Variants in TAOK3 observed in about 807,000 individuals in gnomAD.
TAOK3 encodes the protein serine/threonine-protein kinase TAO3.
TAOK3 carries 40 observed loss-of-function variants against 120.4 expected under a neutral mutation model. The ratio of observed to expected loss-of-function variants is 0.33; its 90% CI spans 0.26 to 0.43. The LOEUF (loss-of-function observed/expected upper bound fraction) is 0.43, where lower values mean the gene tolerates loss of function less well. Ranked by LOEUF, TAOK3 falls within the 20% of genes least tolerant of loss-of-function variation. The pLI is 1.00. For missense variants in TAOK3, 821 were observed against 1,112.1 expected, an observed-to-expected ratio of 0.74 and a Z score of 3.72; for synonymous variants, 355 against 387.5, an observed-to-expected ratio of 0.92 and a Z score of 0.99.
rs755962273 is a variant in TAOK3, at chr12:118,189,830, C to T, written c.1306G>A (p.Ala436Thr). 6.2e-7 allele frequency: 1 copy of T among 1,614,148 alleles called. No individual in the cohort carries two copies. The highest frequency in any genetic ancestry group is 1.1e-5 in the South Asian group (1 of 91,080). Residue 436 changes from alanine (A) to threonine (T), a missense_variant, in exon 14 of 21, where the codon GCC becomes ACC. Ala to Thr is a moderately conservative substitution (Grantham distance 58, BLOSUM62 0). This residue lies in a region of TAOK3 where 354 missense variants were observed against 572.1 expected (regional missense o/e 0.62). Coordinates refer to ENST00000392533, the MANE Select transcript of TAOK3 (RefSeq NM_016281.4). ...ALHYRNRERFATIKSASLVTR... is the reference protein window; with the variant it reads ...ALHYRNRERFTTIKSASLVTR... ...ACCAAAGATGCTGATTTGATCGTGG[C>T]AAAGCGCTCTCTGTTCCGGTAGTGG... is the stretch of plus-strand genomic sequence containing the variant.
At chr12:118,206,375 C>T (rs1265382422) in intron 11 of TAOK3, among the ~76,000 whole-genome samples, 1 of 152,222 alleles carries the variant, frequency 6.6e-6, no homozygotes, top group African/African-American at 2.4e-5. Flanking sequence ...ATACACTCTA[C>T]ATCTTAATAT....
At chr12:118,194,696 T>C (rs1048100789) in intron 13 of TAOK3, among the ~76,000 whole-genome samples, 6 of 150,644 alleles carry the variant, frequency 4.0e-5, no homozygotes, top group South Asian at 4.2e-4. Context: ...AGAACTAACA[T>C]TGACTAACAG....
At chr12:118,278,218 G>A (rs1348264574) in intron 1 of TAOK3, among the ~76,000 whole-genome samples, 1 of 152,078 alleles carries the variant, frequency 6.6e-6, no homozygotes, top group Non-Finnish European at 1.5e-5. Flanking sequence ...CAGGGGTTTG[G>A]TGTACAGATT....
intron 19 of TAOK3, among the ~76,000 whole-genome samples, chr12:118,155,569 C>T (rs750548608): frequency 1.3e-5 from 2 of 152,284 alleles, no homozygotes; most frequent in South Asian, 4.1e-4. Flanking sequence ...TGAGGTAACA[C>T]TTATGAGATG....
chr12:118,274,389 G>A (rs1488569503), intron 1 of TAOK3, among the ~76,000 whole-genome samples: 1 of 152,100 alleles, frequency 6.6e-6, no homozygotes, highest in East Asian at 1.9e-4. Flanking sequence ...GAAGTAGCTG[G>A]GGTTTTGAGG....
At position 118,177,342 on chromosome 12, in the gene TAOK3, C is replaced by A. The variant is rs2036405611; in HGVS notation, c.1567-13G>T. ...CAGCTACCTTTGCCTGATAAAATAA[C>A]AAATACAATGTAGGATGAATCTATT... On this transcript the variant is annotated splice_polypyrimidine_tract_variant and intron_variant, in intron 15 of 20. Coordinates refer to ENST00000392533, the MANE Select transcript of TAOK3 (RefSeq NM_016281.4). 1.9e-6 allele frequency: 3 copies of A among 1,612,272 alleles called. No individual in the cohort carries two copies. Among genetic ancestry groups the A allele is most frequent in the Non-Finnish European group, 2.5e-6 (3 of 1,179,476 alleles).
chr12:118,284,266 G>C (rs17586582), intron 1 of TAOK3, among the ~76,000 whole-genome samples: 8,152 of 152,202 alleles, frequency 0.054, 449 homozygotes, highest in East Asian at 0.24. Flanking sequence ...AAGGAGACTA[G>C]AGCAGGGAGG....
intron 1 of TAOK3, among the ~76,000 whole-genome samples, chr12:118,353,252 G>A (rs1197636830): frequency 1.3e-5 from 2 of 152,092 alleles, no homozygotes; most frequent in Non-Finnish European, 2.9e-5. Flanking sequence ...AATAGTAGGA[G>A]TAGGAAAAGC....
At chr12:118,335,302 C>G (rs2044322147) in intron 1 of TAOK3, among the ~76,000 whole-genome samples, 1 of 151,426 alleles carries the variant, frequency 6.6e-6, no homozygotes, top group Non-Finnish European at 1.5e-5. Flanking sequence ...GGAGGTAATA[C>G]AGATCTTGAA....
At chr12:118,207,389 T>G (rs1402903665) in intron 11 of TAOK3, among the ~76,000 whole-genome samples, 1 of 150,812 alleles carries the variant, frequency 6.6e-6, no homozygotes, top group Non-Finnish European at 1.5e-5. Context: ...AATAAATACA[T>G]AAATATTAAG....
At chr12:118,221,661 G>C (rs2039238879) in intron 9 of TAOK3, among the ~76,000 whole-genome samples, 1 of 134,386 alleles carries the variant, frequency 7.4e-6, no homozygotes, top group African/African-American at 2.8e-5. Context: ...TTGAGACAGA[G>C]TCTTGCTCTG....
chr12:118,237,625 A>T (rs1484901215), intron 7 of TAOK3, among the ~76,000 whole-genome samples: 6 of 152,310 alleles, frequency 3.9e-5, no homozygotes, highest in Non-Finnish European at 7.3e-5. Flanking sequence ...TATCTTCCTA[A>T]GTATCTATAT....
intron 9 of TAOK3, among the ~76,000 whole-genome samples, chr12:118,228,460 T>C (rs1271147459): frequency 1.1e-4 from 17 of 152,116 alleles, no homozygotes; most frequent in Non-Finnish European, 1.5e-5. Flanking sequence ...CCAGTATATA[T>C]ATAGTTTTAA....
chr12:118,326,120 C>T (rs1445804965), intron 1 of TAOK3, among the ~76,000 whole-genome samples: 1 of 152,166 alleles, frequency 6.6e-6, no homozygotes, highest in African/African-American at 2.4e-5. Context: ...CCAATGTTTT[C>T]TTTTAGTAGT....
chr12:118,264,062 G>T (rs1274735332), intron 2 of TAOK3, among the ~76,000 whole-genome samples: 1 of 152,198 alleles, frequency 6.6e-6, no homozygotes, highest in East Asian at 1.9e-4. Context: ...GCGAAACTCT[G>T]TCTCAAAACT....
intron 11 of TAOK3, among the ~76,000 whole-genome samples, chr12:118,202,773 CTT>C (rs58282262): frequency 6.0e-5 from 6 of 100,632 alleles, no homozygotes; most frequent in Admixed American, 1.2e-4. Flanking sequence ...ATAGTCTATT[CTT>C]TTTTTTTTTT....
rs754002129 is a variant in TAOK3 at position 118,345,418 on chromosome 12, C to G, written c.-194+27230G>C. On this transcript the variant is annotated intron_variant, in intron 1 of 20. Coordinates refer to ENST00000392533, the MANE Select transcript of TAOK3 (RefSeq NM_016281.4). ...TTGAATGCAAAACGAACAAAATAAA[C>G]AAATCCTGAACAGGCAGGAATAGAA... Among the ~76,000 whole-genome samples, 13 of 152,100 alleles carry G rather than the reference C, an allele frequency of 8.5e-5. No individual in the cohort carries two copies. In the East Asian group the frequency reaches 2.5e-3, roughly 29 times the overall value.
At chr12:118,354,856 C>T (rs2045327414) in intron 1 of TAOK3, among the ~76,000 whole-genome samples, 1 of 152,072 alleles carries the variant, frequency 6.6e-6, no homozygotes, top group Non-Finnish European at 1.5e-5. Context: ...AACCTCTTTC[C>T]TGTATAAATT....
At chr12:118,311,122 T>G (rs1047171980) in intron 1 of TAOK3, among the ~76,000 whole-genome samples, 1 of 152,074 alleles carries the variant, frequency 6.6e-6, no homozygotes, top group African/African-American at 2.4e-5. Context: ...ATTAATGAAA[T>G]AAAACTGTAC....
Sources: gnomAD v4.1 joint callset for allele counts (sites outside exome capture counted in the v4.1 genomes callset) on GRCh38, gnomAD v4.1.1 for gene constraint, gnomAD v4.1.1 regional missense constraint, MANE v1.5 for transcripts, NCBI Gene and HGNC (gene_info 2026-07-23, HGNC 2026-07-21) for gene names.